KDM4C: variants seen among roughly 807,000 people sequenced by gnomAD.
The protein encoded by KDM4C is lysine-specific demethylase 4C.
In KDM4C, 81 loss-of-function variants were observed where a neutral mutation model predicts 129.3. The ratio of observed to expected loss-of-function variants is 0.63; its 90% CI spans 0.52 to 0.75. The LOEUF is 0.75. Ranked by LOEUF, KDM4C falls within the 30% of genes least tolerant of loss-of-function variation. KDM4C has a pLI of 0.00. For missense variants in KDM4C, 1,457 were observed against 1,304.0 expected (o/e 1.12, Z -1.81); for synonymous variants, 573 against 456.1 (o/e 1.26, Z -3.26).
chr9:6,743,246 TGGTGGG>T (rs965613483), intron 1 of KDM4C, among the ~76,000 whole-genome samples: 5 of 152,154 alleles, frequency 3.3e-5, no homozygotes, highest in Admixed American at 3.3e-4. Flanking sequence ...GTTTTGTCAG[TGGTGGG>T]GGCTTTACCC....
chr9:7,158,387 T>G (rs1031021309), intron 19 of KDM4C, among the ~76,000 whole-genome samples: 4 of 152,166 alleles, frequency 2.6e-5, no homozygotes, highest in Non-Finnish European at 5.9e-5. Context: ...TAGTTATTTC[T>G]TGTCTTCCAG....
chr9:6,731,325 C>CTTTTTTTTTTTTTTTTTTTTTTTTTTTGT (rs34724329), intron 1 of KDM4C, among the ~76,000 whole-genome samples: 1 of 114,052 alleles, frequency 8.8e-6, no homozygotes, highest in Non-Finnish European at 1.7e-5. Context: ...TTTTTTTTTG[C>CTTTTTTTTTTTTTTTTTTTTTTTTTTTGT]TTTTTTTTTT....
At chr9:6,741,182 G>A (rs1482892673) in intron 1 of KDM4C, among the ~76,000 whole-genome samples, 1 of 151,968 alleles carries the variant, frequency 6.6e-6, no homozygotes, top group Non-Finnish European at 1.5e-5. Context: ...TAGATCATGA[G>A]GTCAGGAGAA....
At position 7,140,705 on chromosome 9, in the gene KDM4C, C is replaced by T. The variant is rs181542461; in HGVS notation, c.2781+12469C>T. Among the ~76,000 whole-genome samples the T allele has an allele frequency of 2.8e-3, 426 of 152,300 alleles. 1 individual carries two copies. The highest frequency in any genetic ancestry group is 4.7e-3 in the Non-Finnish European group (319 of 68,024). On this transcript the variant is annotated intron_variant, in intron 19 of 21. Coordinates refer to ENST00000381309, the MANE Select transcript of KDM4C (RefSeq NM_015061.6). ...CTTACAGTGAGCACCTACTACATGC[C>T]ACCCATCATGCTGGGTTCTGGGAAA...
chr9:6,919,269 TTCTG>T (rs1820972746), intron 8 of KDM4C, among the ~76,000 whole-genome samples: 1 of 147,262 alleles, frequency 6.8e-6, no homozygotes, highest in Non-Finnish European at 1.5e-5. Flanking sequence ...CTTTCTTTCT[TTCTG>T]TCTCTCTCTC....
intron 17 of KDM4C, among the ~76,000 whole-genome samples, chr9:7,053,555 C>G (rs529912794): frequency 1.3e-5 from 2 of 152,136 alleles, no homozygotes; most frequent in African/African-American, 2.4e-5. Flanking sequence ...GTTCATCATA[C>G]AATTAAATGG....
intron 21 of KDM4C, chr9:7,170,404 T>C (rs1392686884): frequency 1.0e-6 from 1 of 993,614 alleles, no homozygotes; most frequent in Non-Finnish European, 1.2e-6. Flanking sequence ...ATAAAAGGGA[T>C]AAACAAAGCC....
chr9:7,074,196 C>T (rs1350490150), intron 17 of KDM4C, among the ~76,000 whole-genome samples: 2 of 151,778 alleles, frequency 1.3e-5, no homozygotes, highest in Non-Finnish European at 2.9e-5. Context: ...TGGAGTTTCG[C>T]TCTGTCACCC....
rs564783657 is a variant in KDM4C at position 7,103,479 on chromosome 9, C to T, written c.2425-206C>T. ...AAACATATGTCTGGCAGTCTGTGAC[C>T]GTAGCAGTGTGTTTCCTTTAAAGAA... On this transcript the variant is annotated intron_variant, in intron 17 of 21. Transcript: ENST00000381309. Among the ~76,000 whole-genome samples, 19 of 152,214 alleles carry T rather than the reference C, an allele frequency of 1.2e-4. No homozygotes were observed. In the East Asian group the frequency reaches 2.3e-3, roughly 19 times the overall value.
At chr9:6,988,825 C>A (rs2131892898) in intron 11 of KDM4C, among the ~76,000 whole-genome samples, 1 of 151,990 alleles carries the variant, frequency 6.6e-6, no homozygotes, top group South Asian at 2.1e-4. Context: ...CTCAAAGTTC[C>A]CCTCAAGTAT....
In KDM4C at chr9:7,169,049, T is replaced by TAA. The variant is rs77258477; in HGVS notation, c.2902-731_2902-730dup. 2.7e-3 allele frequency among the ~76,000 whole-genome samples: 349 copies of TAA among 128,036 alleles called. 1 individual carries two copies. The highest frequency in any genetic ancestry group is 4.9e-3 in the South Asian group (19 of 3,872). 84.0% of individuals were successfully genotyped at this position (128,036 alleles called of 152,430 possible). On this transcript the variant is annotated intron_variant, in intron 20 of 21. Transcript: ENST00000381309. ...AACAGGGCAAGGCCCTGTCTCAATT[T>TAA]AAAAAAAAAAAAAAAAAAAGGAAAT...
rs543942805 is a variant in KDM4C at position 6,734,986 on chromosome 9, A to C, written c.49+13989A>C. The C allele has an allele frequency of 3.0e-5, 17 of 564,226 alleles. No individual in the cohort carries two copies. The African/African-American group carries it at 3.2e-4, about 11-fold the overall frequency. The allele number at this position is 564,226 out of a possible 1,614,324, so 35.0% of individuals were successfully genotyped here. On this transcript the variant is annotated intron_variant, in intron 1 of 17. Transcript: ENST00000536108. ...AACACATCAACTCCAACCACACTCA[A>C]GTTGATAGGGTTTGGGTATTACTGC...
At chr9:7,053,844 C>G (rs1373560205) in intron 17 of KDM4C, among the ~76,000 whole-genome samples, 1 of 152,138 alleles carries the variant, frequency 6.6e-6, no homozygotes, top group Admixed American at 6.5e-5. Context: ...GTAGAGTCAT[C>G]CTGTTACAGG....
At chr9:6,959,564 C>T (rs1829679860) in intron 8 of KDM4C, among the ~76,000 whole-genome samples, 1 of 152,170 alleles carries the variant, frequency 6.6e-6, no homozygotes, top group African/African-American at 2.4e-5. Flanking sequence ...TAGGTTTTTA[C>T]ACTGGTAAAA....
intron 5 of KDM4C, among the ~76,000 whole-genome samples, chr9:6,872,526 GA>G (rs1207138450): frequency 7.2e-5 from 11 of 152,192 alleles, no homozygotes; most frequent in Non-Finnish European, 1.3e-4. Flanking sequence ...AGGTCTCTAA[GA>G]ACTTGCCTTA....
In KDM4C at chr9:6,901,370, C is replaced by G. The variant is rs186657431; in HGVS notation, c.921+8138C>G. ...GTGGTTTATCTCAAAAGGGCTCTTA[C>G]CTCACATAAGGGATTGTCAGATATG... On this transcript the variant is annotated intron_variant, in intron 8 of 21. Transcript: ENST00000381309. 2.3e-3 allele frequency among the ~76,000 whole-genome samples: 354 copies of G among 152,300 alleles called. 1 individual carries two copies. The highest frequency in any genetic ancestry group is 8.1e-3 in the African/African-American group (337 of 41,564).
chr9:7,155,498 C>G (rs924667998), intron 19 of KDM4C, among the ~76,000 whole-genome samples: 2 of 152,100 alleles, frequency 1.3e-5, no homozygotes, highest in South Asian at 4.2e-4. Flanking sequence ...CTAAGGCTAT[C>G]CCTCCCGCAT....
At chr9:7,040,399 G>GTGTC (rs1828385849) in intron 15 of KDM4C, among the ~76,000 whole-genome samples, 1 of 145,378 alleles carries the variant, frequency 6.9e-6, no homozygotes, top group Non-Finnish European at 1.5e-5. Flanking sequence ...GTGTGTGTGT[G>GTGTC]TGTGTGCGTG....
chr9:7,031,130 G>GTTTA (rs57636781), intron 15 of KDM4C, among the ~76,000 whole-genome samples: 12,488 of 141,048 alleles, frequency 0.089, 578 homozygotes, highest in Middle Eastern at 0.11. Flanking sequence ...TATTTTACTT[G>GTTTA]TTTATTTATT....
Sources: allele counts gnomAD v4.1 joint callset (sites outside exome capture counted in the v4.1 genomes callset), GRCh38; gene constraint gnomAD v4.1.1; transcripts MANE v1.5; gene names NCBI Gene and HGNC (gene_info 2026-07-23, HGNC 2026-07-21).